MAP2K2: variants seen among roughly 807,000 people sequenced by gnomAD.
The protein encoded by MAP2K2 is dual specificity mitogen-activated protein kinase kinase 2.
In MAP2K2, 24 loss-of-function variants were observed where a neutral mutation model predicts 43.7. That is an observed-to-expected ratio of 0.55 (90% CI 0.40 to 0.77). The LOEUF is 0.77. Among genes scored for constraint, MAP2K2 ranks in the 30% least tolerant of loss-of-function variants. The probability of loss-of-function intolerance (pLI) is 0.00; values close to 1 mark genes in which losing one functional copy is unlikely to be tolerated. For missense variants in MAP2K2, 470 were observed against 566.8 expected, an observed-to-expected ratio of 0.83 and a Z score of 1.73; for synonymous variants, 244 against 239.7, an observed-to-expected ratio of 1.02 and a Z score of -0.17.
At chr19:4,100,816 T>C in intron 6 of MAP2K2, 1 of 636,092 alleles carries the variant, frequency 1.6e-6, no homozygotes, top group Non-Finnish European at 2.8e-6. Context: ...CTAACAGCCA[T>C]GTAGGAGTGT....
chr19:4,095,309 C>T (rs753760051), intron 9 of MAP2K2, 79 bp downstream of exon 9: 2 of 1,329,626 alleles, frequency 1.5e-6, no homozygotes, highest in African/African-American at 2.9e-5. Context: ...CAGGCTGGGC[C>T]ACGGGCCCCA....
intron 1 of MAP2K2, among the ~76,000 whole-genome samples, chr19:4,123,546 T>TCCCCCGAGGGTCCCCTGCCCCGTCCTCCC: frequency 4.7e-5 from 3 of 63,512 alleles, no homozygotes; most frequent in Non-Finnish European, 9.1e-5. Flanking sequence ...CGCCCCGTCC[T>TCCCCCGAGGGTCCCCTGCCCCGTCCTCCC]CCGAGGGCCC....
At chr19:4,119,671 C>G (rs2041269166) in intron 1 of MAP2K2, among the ~76,000 whole-genome samples, 1 of 152,244 alleles carries the variant, frequency 6.6e-6, no homozygotes, top group Non-Finnish European at 1.5e-5. Flanking sequence ...CCTATGCTCT[C>G]GTGGGTTTGG....
chr19:4,118,452 G>A (rs2041255111), intron 1 of MAP2K2, among the ~76,000 whole-genome samples: 1 of 152,168 alleles, frequency 6.6e-6, no homozygotes, highest in Non-Finnish European at 1.5e-5. Flanking sequence ...GGTGGTGCAC[G>A]TTTGCAGTCC....
At chr19:4,102,542 T>C in intron 3 of MAP2K2, 89 bp from the exon 4 acceptor site, 3 of 1,075,930 alleles carry the variant, frequency 2.8e-6, no homozygotes, top group South Asian at 2.7e-5. Context: ...GAGGGGGTGG[T>C]CTGCCTCCTG....
At chr19:4,100,668 T>G in intron 6 of MAP2K2, 2 of 322,080 alleles carry the variant, frequency 6.2e-6, no homozygotes, top group Non-Finnish European at 5.9e-6. Context: ...ATTAGTAAAT[T>G]AACAAATAAA....
chr19:4,099,355 C>T lies in MAP2K2; in HGVS notation c.765G>A (p.Leu255=), dbSNP rs759817520. 1 of 1,611,858 alleles carries T rather than the reference C, an allele frequency of 6.2e-7. No homozygotes were observed. Among genetic ancestry groups the T allele is most frequent in the South Asian group, 1.1e-5 (1 of 90,846 alleles). Residue 255 remains leucine, a synonymous_variant, in exon 7 of 11, where the codon CTG becomes CTA. Transcript: ENST00000262948. ...SVQSDIWSMG[L]SLVELAVGRY... is the part of the protein sequence containing the mutation. ...TTCCGACGGCCAGCTCCACCAGGGA[C>T]AGGCCCATGCTCCAGATGTCCGACT...
intron 2 of MAP2K2, among the ~76,000 whole-genome samples, chr19:4,114,754 G>C (rs1252504447): frequency 6.6e-6 from 1 of 152,060 alleles, no homozygotes; most frequent in Non-Finnish European, 1.5e-5. Flanking sequence ...TTTGAGACCA[G>C]CCTGGCCAAC....
At chr19:4,094,909 G>A (rs2040894747) in intron 9 of MAP2K2, 1 of 385,104 alleles carries the variant, frequency 2.6e-6, no homozygotes, top group African/African-American at 2.0e-5. Flanking sequence ...CACACACATG[G>A]ACCGGCCCTG....
chr19:4,095,085 A>C (rs541790498), intron 9 of MAP2K2: 2 of 396,240 alleles, frequency 5.0e-6, no homozygotes, highest in East Asian at 8.6e-5. Flanking sequence ...TCAGCACACC[A>C]GGGGTCCGGG....
At position 4,102,424 on chromosome 19, in the gene MAP2K2, T is replaced by C. The variant is rs2145057682; in HGVS notation, c.480A>G (p.Lys160=). The change falls in exon 4 of 11, where the codon AAA becomes AAG. Residue 160 remains lysine, a synonymous_variant. Transcript: ENST00000262948. ...TCTCCTCGGGAATCCTCTTGGCCTC[T>C]TTCAGCACCTGGTCCAGGGAGCCGC... ...MDGGSLDQVL[K]EAKRIPEEIL... The C allele has an allele frequency of 6.2e-7, 1 of 1,606,606 alleles. No homozygotes were observed. The highest frequency in any genetic ancestry group is 8.5e-7 in the Non-Finnish European group (1 of 1,177,410).
chr19:4,102,164 C>T (rs987818739), intron 4 of MAP2K2, among the ~76,000 whole-genome samples: 13 of 152,162 alleles, frequency 8.5e-5, no homozygotes, highest in Non-Finnish European at 7.4e-5. Context: ...GGACCTATAA[C>T]GTCTTCACTT....
chr19:4,099,109 G>T (rs1289934088), intron 7 of MAP2K2, 92 bp downstream of exon 7: 2 of 1,094,236 alleles, frequency 1.8e-6, no homozygotes, highest in African/African-American at 3.1e-5. Flanking sequence ...GGTGCGCCAG[G>T]GGCAGAGGGG....
chr19:4,121,464 G>A (rs2041291340), intron 1 of MAP2K2, among the ~76,000 whole-genome samples: 1 of 151,318 alleles, frequency 6.6e-6, no homozygotes, highest in Admixed American at 6.6e-5. Context: ...CCCTCTCAGA[G>A]ATGCCCATCT....
At chr19:4,097,227 A>AG in intron 8 of MAP2K2, 52 bp downstream of exon 8, 2 of 1,231,276 alleles carry the variant, frequency 1.6e-6, no homozygotes, top group East Asian at 2.4e-5. Context: ...AAAAAAAAAA[A>AG]AGAAAGAAGA....
rs397517414 is a variant in MAP2K2, at chr19:4,110,495, C to T, written c.450+14G>A. 1.4e-5 allele frequency: 23 copies of T among 1,612,534 alleles called. No homozygotes were observed. The highest frequency in any genetic ancestry group is 3.3e-4 in the Middle Eastern group (2 of 6,084). ...TGGAGGCCCTGCCCCTGCCCCTGCC[C>T]CGGACGCACTCACCATGTGTTCCAT... is the stretch of plus-strand genomic sequence containing the variant. On this transcript the variant is annotated intron_variant, in intron 3 of 10. Coordinates refer to ENST00000262948, the MANE Select transcript of MAP2K2 (RefSeq NM_030662.4).
intron 10 of MAP2K2, among the ~76,000 whole-genome samples, chr19:4,093,173 GTA>G (rs2040870848): frequency 6.6e-6 from 1 of 151,952 alleles, no homozygotes; most frequent in South Asian, 2.1e-4. Flanking sequence ...AGCCGAGATC[GTA>G]CCACTGCACT....
intron 10 of MAP2K2, among the ~76,000 whole-genome samples, chr19:4,093,009 G>A (rs575512268): frequency 8.5e-4 from 130 of 152,276 alleles, no homozygotes; most frequent in Middle Eastern, 3.4e-3. Context: ...AGGAGTTCGA[G>A]ACCAGCCTGG....
At chr19:4,111,721 A>C (rs1173751830) in intron 2 of MAP2K2, among the ~76,000 whole-genome samples, 1 of 152,218 alleles carries the variant, frequency 6.6e-6, no homozygotes, top group Non-Finnish European at 1.5e-5. Context: ...CGGGAGGCTG[A>C]GGTGGGCGGA....
Sources: allele counts gnomAD v4.1 joint callset (sites outside exome capture counted in the v4.1 genomes callset), GRCh38; gene constraint gnomAD v4.1.1; transcripts MANE v1.5; gene names NCBI Gene and HGNC (gene_info 2026-07-23, HGNC 2026-07-21).